Variants in USP24 observed in about 807,000 individuals in gnomAD.
USP24 encodes the protein ubiquitin carboxyl-terminal hydrolase 24.
In USP24, 97 loss-of-function variants were observed where a neutral mutation model predicts 361.6. The ratio of observed to expected loss-of-function variants is 0.27; its 90% CI spans 0.23 to 0.32. The LOEUF (loss-of-function observed/expected upper bound fraction) is 0.32. Among genes scored for constraint, USP24 ranks in the 10% least tolerant of loss-of-function variants. The pLI is 1.00. For synonymous variants in USP24, 1,098 were observed against 1,124.6 expected (o/e 0.98, Z 0.47); for missense variants, 2,353 against 3,165.6 (o/e 0.74, Z 6.16).
intron 24 of USP24, among the ~76,000 whole-genome samples, chr1:55,139,480 C>G (rs1421473725): frequency 2.0e-5 from 3 of 152,136 alleles, no homozygotes; most frequent in Non-Finnish European, 4.4e-5. Context: ...AAGTTGCTAT[C>G]TAAAAATGAG....
At chr1:55,124,699 T>C in intron 34 of USP24, 71 bp from the exon 35 acceptor site, 1 of 1,552,350 alleles carries the variant, frequency 6.4e-7, no homozygotes, top group Non-Finnish European at 8.8e-7. Context: ...ACAACCTTCT[T>C]ACAGGTCTCA....
At chr1:55,162,355 A>T in intron 7 of USP24, 91 bp from the exon 8 acceptor site, 2 of 1,139,176 alleles carry the variant, frequency 1.8e-6, no homozygotes. Context: ...ATCAGAGAAA[A>T]GTTTAAATAG....
At chr1:55,193,962 A>T (rs549879230) in intron 1 of USP24, among the ~76,000 whole-genome samples, 7 of 152,314 alleles carry the variant, frequency 4.6e-5, no homozygotes, top group African/African-American at 1.7e-4. Flanking sequence ...TAGATTAAGC[A>T]TACTTGAAAG....
At position 55,212,880 on chromosome 1, in the gene USP24, A is replaced by G. The variant is rs1249581547; in HGVS notation, c.324+1910T>C. 4.6e-5 allele frequency among the ~76,000 whole-genome samples: 7 copies of G among 152,280 alleles called. No individual in the cohort carries two copies. The East Asian group carries it at 1.2e-3, about 25-fold the overall frequency. ...AAAAGATGGAGATTTTATGGATTTT[A>G]ATTTACCGCAAACCAAACTCCTTAG... On this transcript the variant is annotated intron_variant, in intron 1 of 67. Coordinates refer to ENST00000294383, the MANE Select transcript of USP24 (RefSeq NM_015306.3).
intron 2 of USP24, among the ~76,000 whole-genome samples, chr1:55,177,091 A>G (rs1650057092): frequency 6.8e-6 from 1 of 146,964 alleles, no homozygotes; most frequent in African/African-American, 2.5e-5. Context: ...AAAAATCAAA[A>G]ACCAAAAAAA....
At chr1:55,083,955 A>G in intron 56 of USP24, 67 bp from the exon 57 acceptor site, 1 of 1,235,748 alleles carries the variant, frequency 8.1e-7, no homozygotes, top group East Asian at 2.5e-5. Context: ...TAACAGGATT[A>G]ATTTGAGGTA....
intron 1 of USP24, among the ~76,000 whole-genome samples, chr1:55,181,774 T>C (rs1044119963): frequency 6.6e-6 from 1 of 152,214 alleles, no homozygotes; most frequent in Non-Finnish European, 1.5e-5. Flanking sequence ...TGTTAAGGAC[T>C]GAATTGTGTC....
intron 38 of USP24, among the ~76,000 whole-genome samples, chr1:55,112,265 C>CT (rs1176477495): frequency 6.6e-6 from 1 of 152,164 alleles, no homozygotes; most frequent in Non-Finnish European, 1.5e-5. Context: ...CTTCGTGTCT[C>CT]TATCTTCTTC....
At chr1:55,072,078 G>C (rs1163555794) in intron 66 of USP24, among the ~76,000 whole-genome samples, 154 bp from the exon 67 acceptor site, 1 of 152,048 alleles carries the variant, frequency 6.6e-6, no homozygotes, top group Non-Finnish European at 1.5e-5. Flanking sequence ...CTCAACCCCT[G>C]TCCCTTTTTG....
In USP24 at chr1:55,182,300, A is replaced by G. The variant is rs553357527; in HGVS notation, c.325-4168T>C. Among the ~76,000 whole-genome samples, 9 of 152,232 alleles carry G rather than the reference A, an allele frequency of 5.9e-5. 1 individual carries two copies. In the South Asian group the frequency reaches 8.3e-4, roughly 14 times the overall value. On this transcript the variant is annotated intron_variant, in intron 1 of 67. Coordinates refer to ENST00000294383, the MANE Select transcript of USP24 (RefSeq NM_015306.3). ...CTCTTGACCTCATCGTGATATGCCC[A>G]CCTTGGCCTCCCAAAGTGCTGGGAT...
Position 55,146,804 on chromosome 1 carries a change from A to G in USP24, c.2250+125T>C, listed in dbSNP as rs527784190. 1.1e-4 allele frequency: 118 copies of G among 1,083,472 alleles called. No individual in the cohort carries two copies. The African/African-American group carries it at 1.8e-3, about 17-fold the overall frequency. The allele number at this position is 1,083,472 out of a possible 1,614,324, so 67.1% of individuals were successfully genotyped here. A position where few individuals can be genotyped will look rare whatever the true frequency, so the allele number is the denominator to read the frequency against. ...TATAAAACATTTTTTCAGCACTTAC[A>G]GTTCTTGGCCCATACTATTTATGCT... On this transcript the variant is annotated intron_variant, in intron 19 of 67. Transcript: ENST00000294383.
chr1:55,210,387 T>C (rs979010050), intron 1 of USP24, among the ~76,000 whole-genome samples: 1 of 152,238 alleles, frequency 6.6e-6, no homozygotes, highest in Non-Finnish European at 1.5e-5. Flanking sequence ...AGGGCCTTTT[T>C]TTATTTACCA....
At chr1:55,125,601 C>G (rs887257670) in intron 33 of USP24, 53 bp from the exon 34 acceptor site, 2 of 1,581,202 alleles carry the variant, frequency 1.3e-6, no homozygotes, top group Non-Finnish European at 1.7e-6. Flanking sequence ...TATTTAAAAA[C>G]ATGATTTGCG....
chr1:55,177,945 G>A lies in USP24; in HGVS notation c.490+22C>T, dbSNP rs774371568. 11 of 1,548,478 alleles carry A rather than the reference G, an allele frequency of 7.1e-6. No homozygotes were observed. The South Asian group carries it at 1.3e-4, about 18-fold the overall frequency. On this transcript the variant is annotated intron_variant, in intron 2 of 67. Coordinates refer to ENST00000294383, the MANE Select transcript of USP24 (RefSeq NM_015306.3). ...TTCTATGAAACAAATGTCCTCATGTGTTCTAAGGTCTGAAAACTTACCAAG... is the reference window on the plus strand; with the variant it reads ...TTCTATGAAACAAATGTCCTCATGTATTCTAAGGTCTGAAAACTTACCAAG...
intron 60 of USP24, among the ~76,000 whole-genome samples, 173 bp downstream of exon 60, chr1:55,079,365 A>T (rs573461610): frequency 6.6e-6 from 1 of 152,338 alleles, no homozygotes; most frequent in Admixed American, 6.5e-5. Context: ...TTGGCTGAAC[A>T]GAAGACTAAT....
At position 55,100,818 on chromosome 1, in the gene USP24, AAG is replaced by A. The variant is rs1215246790; in HGVS notation, c.5271+19_5271+20del. 6.3e-7 allele frequency: 1 copy of A among 1,584,216 alleles called. No homozygotes were observed. Among genetic ancestry groups the A allele is most frequent in the Non-Finnish European group, 8.6e-7 (1 of 1,168,998 alleles). On this transcript the variant is annotated intron_variant, in intron 44 of 67. Transcript: ENST00000294383. The stretch of plus-strand genomic sequence containing the variant: ...CAAATATTTAACATCTTTAAATCTC[AAG>A]AGTTACTGGGTGAAATACCTTCCAA...
intron 1 of USP24, among the ~76,000 whole-genome samples, chr1:55,185,683 C>A (rs917930441): frequency 3.6e-4 from 54 of 152,076 alleles, no homozygotes; most frequent in African/African-American, 1.2e-3. Flanking sequence ...ATTTCAGCCT[C>A]CTGAGTAGCT....
At chr1:55,073,738 T>C in intron 64 of USP24, 90 bp downstream of exon 64, 4 of 1,230,422 alleles carry the variant, frequency 3.3e-6, no homozygotes, top group Non-Finnish European at 4.7e-6. Flanking sequence ...ATTCTCCAGG[T>C]ATCAAAACCG....
intron 1 of USP24, among the ~76,000 whole-genome samples, chr1:55,200,681 A>C (rs922852903): frequency 6.6e-6 from 1 of 152,222 alleles, no homozygotes; most frequent in Non-Finnish European, 1.5e-5. Context: ...AACAACACTA[A>C]AAGTCAGTTT....
Sources: allele counts gnomAD v4.1 joint callset (sites outside exome capture counted in the v4.1 genomes callset), GRCh38; gene constraint gnomAD v4.1.1; transcripts MANE v1.5; gene names NCBI Gene and HGNC (gene_info 2026-07-23, HGNC 2026-07-21).